ABCC12: variants seen among roughly 807,000 people sequenced by gnomAD.
The protein encoded by ABCC12 is ATP-binding cassette sub-family C member 12.
A neutral mutation model predicts 151.1 loss-of-function variants in ABCC12; 142 were observed. The ratio of observed to expected loss-of-function variants is 0.94; its 90% confidence interval spans 0.82 to 1.08. ABCC12 has a LOEUF of 1.08. ABCC12 is among the 50% of genes least tolerant of loss of function. The probability of loss-of-function intolerance (pLI) is 0.00; values close to 1 mark genes in which losing one functional copy is unlikely to be tolerated. For missense variants in ABCC12, 1,638 were observed against 1,691.1 expected (o/e 0.97, Z 0.55); for synonymous variants, 645 against 646.4 (o/e 1.00, Z 0.03).
chr16:48,145,598 G>T (rs1964970642), intron 3 of ABCC12, among the ~76,000 whole-genome samples: 1 of 152,200 alleles, frequency 6.6e-6, no homozygotes. Context: ...AAAGTGGTGT[G>T]CCAGTTGCAA....
intron 11 of ABCC12, among the ~76,000 whole-genome samples, chr16:48,125,996 G>A (rs1470328015): frequency 2.6e-5 from 4 of 152,094 alleles, no homozygotes; most frequent in Admixed American, 1.3e-4. Context: ...CCACTCTCCC[G>A]GTGGAGCACC....
intron 23 of ABCC12, among the ~76,000 whole-genome samples, chr16:48,097,487 A>G (rs893486261): frequency 6.6e-6 from 1 of 152,174 alleles, no homozygotes; most frequent in African/African-American, 2.4e-5. Flanking sequence ...AAGGACAGGA[A>G]GCTGACACCT....
At chr16:48,110,914 G>A (rs1049172755) in intron 18 of ABCC12, among the ~76,000 whole-genome samples, 1 of 152,148 alleles carries the variant, frequency 6.6e-6, no homozygotes, top group African/African-American at 2.4e-5. Context: ...GTACTACTAG[G>A]CACACAGTCA....
chr16:48,115,841 G>A (rs1184027497), intron 14 of ABCC12, among the ~76,000 whole-genome samples: 4 of 152,186 alleles, frequency 2.6e-5, no homozygotes, highest in South Asian at 2.1e-4. Flanking sequence ...AGTGGGCAGC[G>A]GCAACGAGGG....
intron 22 of ABCC12, 74 bp from the exon 23 acceptor site, chr16:48,101,083 G>A: frequency 6.5e-7 from 1 of 1,534,374 alleles, no homozygotes; most frequent in Non-Finnish European, 8.8e-7. Flanking sequence ...CACATACAGA[G>A]CCAACTAGGC....
intron 2 of ABCC12, among the ~76,000 whole-genome samples, chr16:48,151,213 G>C (rs1965112673): frequency 1.3e-5 from 2 of 152,184 alleles, no homozygotes; most frequent in South Asian, 4.1e-4. Flanking sequence ...GGGGCAAAAA[G>C]GGCACTTTAC....
chr16:48,138,787 C>T lies in ABCC12; in HGVS notation c.831+376G>A, dbSNP rs145434430. 2.2e-3 allele frequency among the ~76,000 whole-genome samples: 326 copies of T among 151,434 alleles called. 2 individuals are homozygous for T. Among genetic ancestry groups the T allele is most frequent in the African/African-American group, 7.7e-3 (317 of 40,990 alleles). ...TTCAAGACCAGCCTGGACAACATAG[C>T]GAGACCCTATCTCTACAATTTTTTT... is the stretch of plus-strand genomic sequence containing the variant. On this transcript the variant is annotated intron_variant, in intron 7 of 30. Transcript: ENST00000311303.
intron 8 of ABCC12, among the ~76,000 whole-genome samples, chr16:48,134,922 G>A (rs1567455928): frequency 2.0e-5 from 3 of 151,874 alleles, no homozygotes; most frequent in Admixed American, 6.6e-5. Context: ...GGTGGTGACG[G>A]GAGCCTGTAA....
At chr16:48,122,859 T>G (rs181187526) in intron 12 of ABCC12, among the ~76,000 whole-genome samples, 10 of 152,386 alleles carry the variant, frequency 6.6e-5, no homozygotes, top group African/African-American at 1.9e-4. Context: ...ATTGCTTACA[T>G]GATCTCATTC....
intron 12 of ABCC12, 82 bp from the exon 13 acceptor site, chr16:48,121,922 C>A: frequency 6.3e-7 from 1 of 1,583,804 alleles, no homozygotes; most frequent in East Asian, 2.2e-5. Context: ...CTGGCACCCA[C>A]ATATTCCACA....
chr16:48,098,090 GACACACACACACACAC>G (rs66949388), intron 23 of ABCC12, among the ~76,000 whole-genome samples: 16 of 121,910 alleles, frequency 1.3e-4, no homozygotes, highest in East Asian at 5.0e-4. Flanking sequence ...TGCCCCACCT[GACACACACACACACAC>G]ACACACACAC....
intron 13 of ABCC12, among the ~76,000 whole-genome samples, chr16:48,118,748 A>C (rs918383045): frequency 1.1e-4 from 16 of 152,196 alleles, no homozygotes; most frequent in African/African-American, 3.6e-4. Flanking sequence ...GCCCACACAC[A>C]AACTTTGGGG....
chr16:48,143,581 A>G (rs1034197586), intron 4 of ABCC12, among the ~76,000 whole-genome samples: 4 of 152,218 alleles, frequency 2.6e-5, no homozygotes. Flanking sequence ...TTTAGCTCCC[A>G]TAATCTCCAC....
chr16:48,096,937 A>T (rs1189201128), intron 23 of ABCC12, 35 bp from the exon 24 acceptor site: 1 of 1,613,934 alleles, frequency 6.2e-7, no homozygotes, highest in East Asian at 2.2e-5. Context: ...TTAAACCTAC[A>T]GTCAAGAAAA....
Position 48,082,831 on chromosome 16 carries a change from G to A in ABCC12, c.*884C>T, listed in dbSNP as rs947699161. 2.6e-5 allele frequency: 4 copies of A among 152,146 alleles called. No individual in the cohort carries two copies. The highest frequency in any genetic ancestry group is 5.9e-5 in the Non-Finnish European group (4 of 68,032). 9.4% of individuals were successfully genotyped at this position (152,146 alleles called of 1,614,324 possible). On this transcript the variant is annotated 3_prime_UTR_variant, in exon 31 of 31. Coordinates refer to ENST00000311303, the MANE Select transcript of ABCC12 (RefSeq NM_001393797.1). ...TTCTATAAATATTTTTTTCCCAAAT[G>A]TCACCATGAGTTAGCAGCGCTCACT...
chr16:48,097,997 C>G (rs1298575284), intron 23 of ABCC12, among the ~76,000 whole-genome samples: 3 of 152,040 alleles, frequency 2.0e-5, no homozygotes, highest in African/African-American at 4.8e-5. Context: ...CCAGTTCCCC[C>G]ACATGGGCAT....
intron 13 of ABCC12, among the ~76,000 whole-genome samples, chr16:48,119,394 G>C (rs184525683): frequency 6.6e-6 from 1 of 152,370 alleles, no homozygotes; most frequent in African/African-American, 2.4e-5. Context: ...CCTGCATGCT[G>C]CAGGCATTTG....
At position 48,128,731 on chromosome 16, in the gene ABCC12, G is replaced by T. The variant is rs1425717956; in HGVS notation, c.1243C>A (p.Leu415Ile). 1.2e-6 allele frequency: 2 copies of T among 1,611,808 alleles called. No homozygotes were observed. The highest frequency in any genetic ancestry group is 1.1e-5 in the South Asian group (1 of 90,932). ...NVSLRRMKKILIDKSPPSYIT... is the reference protein window; with the variant it reads ...NVSLRRMKKIIIDKSPPSYIT... ...TAAGATGGGGGGCTTTTATCTATGAGAATTTTCTAAGATTAAAGAGACAAA... is the reference window on the plus strand; with the variant it reads ...TAAGATGGGGGGCTTTTATCTATGATAATTTTCTAAGATTAAAGAGACAAA... The change falls in exon 11 of 31, where the codon CTC (leucine) becomes ATC (isoleucine). Residue 415 changes from leucine to isoleucine, a missense_variant. Leu to Ile is a conservative substitution (Grantham distance 5). Coordinates refer to ENST00000311303, the MANE Select transcript of ABCC12 (RefSeq NM_001393797.1).
intron 13 of ABCC12, among the ~76,000 whole-genome samples, 159 bp from the exon 14 acceptor site, chr16:48,117,492 C>G (rs1027816697): frequency 2.0e-5 from 3 of 152,208 alleles, no homozygotes; most frequent in Non-Finnish European, 4.4e-5. Context: ...CTTCAATGAC[C>G]CAAGGGTAGC....
Sources: gnomAD v4.1 joint callset for allele counts (sites outside exome capture counted in the v4.1 genomes callset) on GRCh38, gnomAD v4.1.1 for gene constraint, MANE v1.5 for transcripts, NCBI Gene and HGNC (gene_info 2026-07-23, HGNC 2026-07-21) for gene names.